Variants in PFKFB3 observed in about 807,000 individuals in gnomAD.
PFKFB3 encodes the protein 6-phosphofructo-2-kinase/fructose-2,6-biphosphatase 3, also known as 6-phosphofructo-2-kinase/fructose-2,6-bisphosphatase 3.
PFKFB3 carries 33 observed loss-of-function variants against 68.0 expected under a neutral mutation model. The ratio of observed to expected loss-of-function variants is 0.49; its 90% CI spans 0.37 to 0.65. The LOEUF is 0.65. PFKFB3 is among the 30% of genes least tolerant of loss of function. PFKFB3 has a pLI of 0.00. For missense variants in PFKFB3, 586 were observed against 712.2 expected, an observed-to-expected ratio of 0.82 and a Z score of 2.02; for synonymous variants, 315 against 288.2, an observed-to-expected ratio of 1.09 and a Z score of -0.94.
At chr10:6,262,452 CAAAAAAAAAAAAAA>C in the PFKFB3 span, among the ~76,000 whole-genome samples, 2 of 27,620 alleles carry the variant, frequency 7.2e-5, no homozygotes, top group Non-Finnish European at 1.4e-4. Flanking sequence ...GACTCCATCT[CAAAAAAAAAAAAAA>C]AAAAAAAAAA....
intron 1 of PFKFB3, among the ~76,000 whole-genome samples, chr10:6,180,081 G>A (rs141906584): frequency 1.6e-4 from 25 of 152,020 alleles, no homozygotes; most frequent in South Asian, 8.3e-4. Flanking sequence ...GGTGGCGCTC[G>A]CGTGTAATCC....
At chr10:6,307,823 G>A in the PFKFB3 span, among the ~76,000 whole-genome samples, 5 of 152,142 alleles carry the variant, frequency 3.3e-5, no homozygotes, top group Admixed American at 1.3e-4. Context: ...TTAATGCAGC[G>A]GTGTTGAGAG....
rs545404588 is a variant in PFKFB3, at chr10:6,177,485, T to C, written c.16+32472T>C. Among the ~76,000 whole-genome samples, 158 of 139,914 alleles carry C rather than the reference T, an allele frequency of 1.1e-3. 6 individuals are homozygous for C. The East Asian group carries it at 0.013, about 11-fold the overall frequency. 91.8% of individuals were successfully genotyped at this position (139,914 alleles called of 152,430 possible). Reference sequence around the variant, plus strand: ...CTTTCTTTCTTTCTTTCTTTCTTTCTTTTTCTTTTCTTTCTCTCTCTCGCT... The same window carrying C: ...CTTTCTTTCTTTCTTTCTTTCTTTCCTTTTCTTTTCTTTCTCTCTCTCGCT... On this transcript the variant is annotated intron_variant, in intron 1 of 14. Transcript: ENST00000379789.
At chr10:6,176,615 G>A (rs979314957) in intron 1 of PFKFB3, among the ~76,000 whole-genome samples, 1 of 152,050 alleles carries the variant, frequency 6.6e-6, no homozygotes, top group African/African-American at 2.4e-5. Context: ...TGAACTCCTG[G>A]GCTCAAGCAA....
chr10:6,170,034 T>C (rs770861972), intron 1 of PFKFB3, among the ~76,000 whole-genome samples: 2 of 152,200 alleles, frequency 1.3e-5, no homozygotes, highest in Non-Finnish European at 2.9e-5. Context: ...CTCTTTTGCA[T>C]TGAATTTCTG....
chr10:6,315,422 T>C, the PFKFB3 span, among the ~76,000 whole-genome samples: 1 of 152,222 alleles, frequency 6.6e-6, no homozygotes. Flanking sequence ...TCCCACATTC[T>C]AGAGCTGCAT....
chr10:6,204,876 T>C (rs1368467211), intron 1 of PFKFB3, among the ~76,000 whole-genome samples: 3 of 152,266 alleles, frequency 2.0e-5, no homozygotes, highest in Non-Finnish European at 4.4e-5. Context: ...CATGTGATTG[T>C]ATACGAATGC....
chr10:6,208,202 G>A (rs1843919205), intron 1 of PFKFB3, among the ~76,000 whole-genome samples: 1 of 152,078 alleles, frequency 6.6e-6, no homozygotes, highest in Admixed American at 6.6e-5. Context: ...CTCCTGAGTA[G>A]CTGGGACTAG....
At chr10:6,225,861 T>C (rs1169945031) in intron 13 of PFKFB3, among the ~76,000 whole-genome samples, 1 of 152,220 alleles carries the variant, frequency 6.6e-6, no homozygotes, top group Admixed American at 6.5e-5. Flanking sequence ...CAAGAGAGGC[T>C]GGAAGCAAAG....
intron 1 of PFKFB3, among the ~76,000 whole-genome samples, chr10:6,166,853 G>C (rs541211084): frequency 1.4e-5 from 2 of 140,460 alleles, no homozygotes; most frequent in African/African-American, 5.3e-5. Flanking sequence ...ATTTGAGACA[G>C]AGTTTGGCTC....
At chr10:6,248,475 A>G (rs1846303279) in intron 14 of PFKFB3, among the ~76,000 whole-genome samples, 1 of 151,968 alleles carries the variant, frequency 6.6e-6, no homozygotes, top group African/African-American at 2.4e-5. Flanking sequence ...CTAAAAATAC[A>G]AAAATTAGCT....
In PFKFB3 at chr10:6,177,354, C is replaced by CTCTTTCTTTCTTTCTTTCTT. The variant is rs71294418; in HGVS notation, c.16+32378_16+32397dup. ...GTTTGTGGGATGTTTCTTTTCTTTT[C>CTCTTTCTTTCTTTCTTTCTT]TCTTTCTTTCTTTCTTTCTTTCTTT... is the stretch of plus-strand genomic sequence containing the variant. On this transcript the variant is annotated intron_variant, in intron 1 of 14. Coordinates refer to the PFKFB3 transcript ENST00000379789. Among the ~76,000 whole-genome samples, 760 of 77,998 alleles carry CTCTTTCTTTCTTTCTTTCTT rather than the reference C, an allele frequency of 9.7e-3. 27 individuals are homozygous for CTCTTTCTTTCTTTCTTTCTT. Among genetic ancestry groups the CTCTTTCTTTCTTTCTTTCTT allele is most frequent in the East Asian group, 0.012 (30 of 2,506 alleles). 51.2% of individuals were successfully genotyped at this position (77,998 alleles called of 152,430 possible). A position where few individuals can be genotyped will look rare whatever the true frequency, so the allele number is the denominator to read the frequency against.
In PFKFB3 at chr10:6,248,948, C is replaced by G. The variant is rs530301182; in HGVS notation, c.1516-5230C>G. ...CAGCACTTTGGGAGGCCAAGGCAGG[C>G]GGATCACCTGAGGTCGGGAATTCGA... is the stretch of plus-strand genomic sequence containing the variant. On this transcript the variant is annotated intron_variant, in intron 14 of 14. Coordinates refer to the PFKFB3 transcript ENST00000640683. Among the ~76,000 whole-genome samples, 181 of 152,022 alleles carry G rather than the reference C, an allele frequency of 1.2e-3. 1 individual carries two copies. Among genetic ancestry groups the G allele is most frequent in the African/African-American group, 4.1e-3 (170 of 41,514 alleles).
At chr10:6,276,112 A>G in the PFKFB3 span, among the ~76,000 whole-genome samples, 1 of 152,204 alleles carries the variant, frequency 6.6e-6, no homozygotes, top group Non-Finnish European at 1.5e-5. Flanking sequence ...CAAAACTTCT[A>G]CTGACCCAAG....
intron 1 of PFKFB3, among the ~76,000 whole-genome samples, chr10:6,177,465 T>TTTCTTTC (rs1842551375): frequency 1.4e-5 from 2 of 144,346 alleles, no homozygotes; most frequent in Admixed American, 7.2e-5. Context: ...TCTTTCTTTC[T>TTTCTTTC]TTCTTTCTTT....
the PFKFB3 span, among the ~76,000 whole-genome samples, chr10:6,268,480 C>T: frequency 1.3e-5 from 2 of 151,626 alleles, no homozygotes; most frequent in African/African-American, 4.9e-5. Context: ...CAAAAATTAG[C>T]CAGGGATGTT....
the PFKFB3 span, among the ~76,000 whole-genome samples, chr10:6,289,703 A>G: frequency 2.0e-5 from 3 of 152,152 alleles, no homozygotes; most frequent in Non-Finnish European, 4.4e-5. Flanking sequence ...TTTTGGTTCC[A>G]TATGAACTTT....
the PFKFB3 span, among the ~76,000 whole-genome samples, chr10:6,270,460 G>T: frequency 2.6e-5 from 4 of 152,134 alleles, no homozygotes; most frequent in Non-Finnish European, 5.9e-5. Flanking sequence ...AATGACACAC[G>T]TCCTAACCAC....
Position 6,220,745 on chromosome 10 carries a change from C to T in PFKFB3, c.711C>T (p.Tyr237=). 2 of 1,614,110 alleles carry T rather than the reference C, an allele frequency of 1.2e-6. No individual in the cohort carries two copies. The highest frequency in any genetic ancestry group is 8.5e-7 in the Non-Finnish European group (1 of 1,179,992). The change falls in exon 8 of 15, where the codon TAC becomes TAT. Residue 237 remains tyrosine (Y), a synonymous_variant. Transcript: ENST00000379775. The surrounding 1 kb of genome is among the most constrained non-coding windows in gnomAD (Gnocchi z 4.1). ...VQDHIQSRIV[Y]YLMNIHVQPR... is the part of the protein sequence containing the mutation. ...ACCACATCCAGAGCCGCATCGTGTA[C>T]TACCTGATGAACATCCACGTGCAGC...
Sources: gnomAD v4.1 joint callset for allele counts (sites outside exome capture counted in the v4.1 genomes callset) on GRCh38, gnomAD v4.1.1 for gene constraint, Gnocchi (gnomAD v3.1) non-coding constraint, MANE v1.5 for transcripts, NCBI Gene and HGNC (gene_info 2026-07-23, HGNC 2026-07-21) for gene names.